Variants in PADI4 observed in about 807,000 individuals in gnomAD.
The protein encoded by PADI4 is peptidyl arginine deiminase 4.
PADI4 carries 62 observed loss-of-function variants against 75.0 expected under a neutral mutation model. The ratio of observed to expected loss-of-function variants is 0.83; its 90% CI spans 0.67 to 1.02. The LOEUF (loss-of-function observed/expected upper bound fraction) is 1.02, where lower values mean the gene tolerates loss of function less well. PADI4 is among the 50% of genes least tolerant of loss of function. PADI4 has a pLI of 0.00. For missense variants in PADI4, 845 were observed against 850.5 expected, an observed-to-expected ratio of 0.99 and a Z score of 0.08; for synonymous variants, 361 against 348.1, an observed-to-expected ratio of 1.04 and a Z score of -0.41.
chr1:17,361,755 C>T (rs1381628643), intron 15 of PADI4, among the ~76,000 whole-genome samples: 1 of 152,206 alleles, frequency 6.6e-6, no homozygotes, highest in African/African-American at 2.4e-5. Context: ...GCCAAAATCC[C>T]ACCTTCCCAC....
intron 13 of PADI4, among the ~76,000 whole-genome samples, chr1:17,357,790 G>C (rs1385209594): frequency 1.3e-5 from 2 of 151,902 alleles, no homozygotes; most frequent in South Asian, 4.1e-4. Flanking sequence ...AATTAGCCGG[G>C]CGTGGTGGCG....
At chr1:17,316,612 C>G (rs1401914326) in intron 1 of PADI4, among the ~76,000 whole-genome samples, 2 of 151,672 alleles carry the variant, frequency 1.3e-5, no homozygotes, top group Admixed American at 6.6e-5. Context: ...ATGGCATGAA[C>G]CTGGGAGGTG....
In PADI4 at chr1:17,333,932, C is replaced by G; in HGVS notation, c.274-11C>G. On this transcript the variant is annotated splice_polypyrimidine_tract_variant and intron_variant, in intron 2 of 15. Coordinates refer to ENST00000375448, the MANE Select transcript of PADI4 (RefSeq NM_012387.3). ...ACTAAGAGAAGTCATTAGTGATCTGCTCTCCCATAGGTTCAGATTTCATAC... is the reference window on the plus strand; with the variant it reads ...ACTAAGAGAAGTCATTAGTGATCTGGTCTCCCATAGGTTCAGATTTCATAC... The G allele has an allele frequency of 6.2e-7, 1 of 1,602,662 alleles. No homozygotes were observed. Among genetic ancestry groups the G allele is most frequent in the South Asian group, 1.1e-5 (1 of 90,874 alleles).
intron 1 of PADI4, among the ~76,000 whole-genome samples, chr1:17,324,465 G>A (rs1341510900): frequency 6.6e-6 from 1 of 151,970 alleles, no homozygotes; most frequent in African/African-American, 2.4e-5. Context: ...TTGATTAACA[G>A]AATTTATTTT....
At chr1:17,322,493 C>A (rs865964540) in intron 1 of PADI4, among the ~76,000 whole-genome samples, 39 of 149,646 alleles carry the variant, frequency 2.6e-4, no homozygotes, top group Middle Eastern at 3.4e-3. Flanking sequence ...CATCCCCCCC[C>A]AAAAAAAAAG....
intron 1 of PADI4, among the ~76,000 whole-genome samples, chr1:17,329,816 T>C (rs1035039421): frequency 6.6e-6 from 1 of 152,244 alleles, no homozygotes; most frequent in African/African-American, 2.4e-5. Flanking sequence ...GACTTTCCTT[T>C]CTGAATGCCT....
intron 6 of PADI4, 131 bp from the exon 7 acceptor site, chr1:17,341,812 T>G (rs1463910746): frequency 1.5e-6 from 1 of 651,970 alleles, no homozygotes; most frequent in Non-Finnish European, 2.7e-6. Flanking sequence ...CTGGCCAGAT[T>G]TGGCTGCAAG....
chr1:17,337,098 G>A (rs1279912143), intron 4 of PADI4, among the ~76,000 whole-genome samples: 1 of 152,122 alleles, frequency 6.6e-6, no homozygotes, highest in African/African-American at 2.4e-5. Flanking sequence ...TACATATTTA[G>A]CTGCATTTGG....
intron 8 of PADI4, among the ~76,000 whole-genome samples, chr1:17,345,005 A>T (rs2074489738): frequency 6.6e-6 from 1 of 152,142 alleles, no homozygotes; most frequent in African/African-American, 2.4e-5. Flanking sequence ...AGCCACAGAC[A>T]CTCAACACCA....
chr1:17,332,447 A>G (rs4506506), intron 2 of PADI4, among the ~76,000 whole-genome samples: 84,619 of 151,612 alleles, frequency 0.56, 23,787 homozygotes, highest in East Asian at 0.59. Flanking sequence ...ATGGGATTTC[A>G]CCATGTTGGT....
At position 17,336,886 on chromosome 1, in the gene PADI4, C is replaced by T. The variant is rs78351242; in HGVS notation, c.408+660C>T. On this transcript the variant is annotated intron_variant, in intron 4 of 15. Coordinates refer to ENST00000375448, the MANE Select transcript of PADI4 (RefSeq NM_012387.3). ...GTAGAATCTGTCCCTGTATCCCTCC[C>T]GAAATGCAGTCATTTCCCAGGGGCA... Among the ~76,000 whole-genome samples, 875 of 152,288 alleles carry T rather than the reference C, an allele frequency of 5.7e-3. 19 individuals carry two copies. The highest frequency in any genetic ancestry group is 0.056 in the South Asian group (268 of 4,824).
Sources: gnomAD v4.1 joint callset for allele counts (sites outside exome capture counted in the v4.1 genomes callset) on GRCh38, gnomAD v4.1.1 for gene constraint, MANE v1.5 for transcripts, NCBI Gene and HGNC (gene_info 2026-07-23, HGNC 2026-07-21) for gene names.